Variants in MECOM observed in about 807,000 individuals in gnomAD.
MECOM encodes MDS1 and EVI1 complex locus, also known as histone-lysine N-methyltransferase MECOM.
A neutral mutation model predicts 116.3 loss-of-function variants in MECOM; 13 were observed. That is an observed-to-expected ratio of 0.11 (90% CI 0.07 to 0.18). The LOEUF is 0.18. MECOM is among the 10% of genes least tolerant of loss of function. The probability of loss-of-function intolerance (pLI) is 1.00; values close to 1 mark genes in which losing one functional copy is unlikely to be tolerated. For synonymous variants in MECOM, 528 were observed against 535.2 expected (o/e 0.99, Z 0.19); for missense variants, 1,299 against 1,509.0 (o/e 0.86, Z 2.31).
rs561774113 is a variant in MECOM at position 169,180,774 on chromosome 3, A to G, written c.376-36942T>C. Among the ~76,000 whole-genome samples the G allele has an allele frequency of 1.4e-3, 147 of 103,384 alleles. 1 individual carries two copies. Among genetic ancestry groups the G allele is most frequent in the African/African-American group, 5.0e-3 (138 of 27,828 alleles). The allele number at this position is 103,384 out of a possible 152,430, so 67.8% of individuals were successfully genotyped here. On this transcript the variant is annotated intron_variant, in intron 2 of 16. Coordinates refer to ENST00000651503, the MANE Select transcript of MECOM (RefSeq NM_004991.4). ...ATCCTTTCCAGTATTCTCTTTATGT[A>G]TGTGTGTGTGTGTGGAGATGATATA...
In MECOM at chr3:169,615,730, T is replaced by C. The variant is rs146688069; in HGVS notation, c.37+47606A>G. Among the ~76,000 whole-genome samples the C allele has an allele frequency of 2.3e-3, 357 of 152,380 alleles. 1 individual carries two copies. Among genetic ancestry groups the C allele is most frequent in the African/African-American group, 8.0e-3 (332 of 41,586 alleles). ...TTATTGGTTTTCATTTTGTTTTGTT[T>C]TGATTTCAATTGCAACTCAAACAAT... On this transcript the variant is annotated intron_variant, in intron 1 of 16. Transcript: ENST00000651503.
chr3:169,274,913 A>G (rs957591779), intron 2 of MECOM, among the ~76,000 whole-genome samples: 1 of 152,170 alleles, frequency 6.6e-6, no homozygotes, highest in African/African-American at 2.4e-5. Flanking sequence ...AACTAAAATA[A>G]AAGGCATCAC....
chr3:169,436,510 A>T (rs1044433518), intron 1 of MECOM, among the ~76,000 whole-genome samples: 5 of 152,112 alleles, frequency 3.3e-5, no homozygotes, highest in Admixed American at 2.0e-4. Context: ...TCAGCCTCCC[A>T]AATTGCTGGG....
At chr3:169,469,618 C>T (rs1346470349) in intron 1 of MECOM, among the ~76,000 whole-genome samples, 1 of 151,598 alleles carries the variant, frequency 6.6e-6, no homozygotes, top group Non-Finnish European at 1.5e-5. Flanking sequence ...TTTCTCCTAC[C>T]CAGAAGTCCT....
intron 2 of MECOM, among the ~76,000 whole-genome samples, chr3:169,251,923 A>G (rs537261573): frequency 6.6e-6 from 1 of 152,320 alleles, no homozygotes; most frequent in African/African-American, 2.4e-5. Flanking sequence ...CATATATTAC[A>G]ATGTAATATA....
intron 1 of MECOM, among the ~76,000 whole-genome samples, chr3:169,520,085 A>G (rs971807517): frequency 1.3e-5 from 2 of 152,258 alleles, no homozygotes; most frequent in Non-Finnish European, 2.9e-5. Context: ...GGAGCTGCCC[A>G]GAACCACAGT....
At chr3:169,410,558 A>G (rs1439245667) in intron 1 of MECOM, among the ~76,000 whole-genome samples, 1 of 151,970 alleles carries the variant, frequency 6.6e-6, no homozygotes, top group East Asian at 1.9e-4. Context: ...TTTTTGTGAA[A>G]TCCAGCATGA....
chr3:169,515,405 A>T (rs1756504460), intron 1 of MECOM, among the ~76,000 whole-genome samples: 1 of 152,210 alleles, frequency 6.6e-6, no homozygotes, highest in Non-Finnish European at 1.5e-5. Flanking sequence ...AATATTCAGT[A>T]CAGACATATA....
chr3:169,308,575 A>G (rs1026957849), intron 2 of MECOM, among the ~76,000 whole-genome samples: 1 of 152,244 alleles, frequency 6.6e-6, no homozygotes, highest in Non-Finnish European at 1.5e-5. Context: ...ATATATTTAT[A>G]AATTTAAAGC....
At chr3:169,242,643 T>C (rs1462476708) in intron 2 of MECOM, among the ~76,000 whole-genome samples, 1 of 151,964 alleles carries the variant, frequency 6.6e-6, no homozygotes, top group Non-Finnish European at 1.5e-5. Context: ...ATCATACTGA[T>C]TGACGAAACC....
chr3:169,404,287 GCA>G (rs376208224), intron 1 of MECOM, among the ~76,000 whole-genome samples: 2 of 150,940 alleles, frequency 1.3e-5, no homozygotes, highest in African/African-American at 2.4e-5. Flanking sequence ...TGCAAAATAT[GCA>G]CACACACACA....
chr3:169,147,765 T>A lies in MECOM; in HGVS notation c.376-3933A>T, dbSNP rs561612042. 2,233 of 944,496 alleles carry A rather than the reference T, an allele frequency of 2.4e-3. 3 individuals are homozygous for A. Among genetic ancestry groups the A allele is most frequent in the Non-Finnish European group, 2.7e-3 (2,124 of 798,976 alleles). The allele number at this position is 944,496 out of a possible 1,614,324, so 58.5% of individuals were successfully genotyped here. On this transcript the variant is annotated intron_variant, in intron 2 of 16. Coordinates refer to ENST00000651503, the MANE Select transcript of MECOM (RefSeq NM_004991.4). ...GAGTGTGTGTGTGCATGTGTGTGTG[T>A]GAGAGAGAGAGAGATGGGGGATGGG...
At chr3:169,349,994 ATATT>A (rs1187566682) in intron 2 of MECOM, among the ~76,000 whole-genome samples, 2 of 151,996 alleles carry the variant, frequency 1.3e-5, no homozygotes, top group African/African-American at 4.8e-5. Flanking sequence ...TATAATATCA[ATATT>A]TATTTATAAA....
intron 1 of MECOM, among the ~76,000 whole-genome samples, chr3:169,435,352 T>C (rs960301677): frequency 6.6e-6 from 1 of 152,206 alleles, no homozygotes; most frequent in Non-Finnish European, 1.5e-5. Flanking sequence ...TACTATCGGC[T>C]CATACATCAC....
intron 1 of MECOM, among the ~76,000 whole-genome samples, chr3:169,494,762 T>C (rs748437243): frequency 1.6e-4 from 24 of 152,212 alleles, no homozygotes; most frequent in Non-Finnish European, 2.9e-4. Flanking sequence ...GTGATTCTGA[T>C]TCATCTTTCT....
At chr3:169,143,662 C>T in intron 3 of MECOM, 36 bp downstream of exon 3, 1 of 1,523,342 alleles carries the variant, frequency 6.6e-7, no homozygotes, top group Non-Finnish European at 8.9e-7. Flanking sequence ...TACTTTTGTG[C>T]TCTCAAGGAA....
At chr3:169,414,310 AG>A (rs200303159) in intron 1 of MECOM, among the ~76,000 whole-genome samples, 6,076 of 152,322 alleles carry the variant, frequency 0.04, 218 homozygotes, top group East Asian at 0.12. Context: ...GACTGTTAGA[AG>A]AAAACTAACA....
At position 169,222,658 on chromosome 3, in the gene MECOM, A is replaced by G. The variant is rs531228253; in HGVS notation, c.376-78826T>C. Among the ~76,000 whole-genome samples the G allele has an allele frequency of 1.3e-4, 20 of 152,342 alleles. No homozygotes were observed. The South Asian group carries it at 1.5e-3, about 11-fold the overall frequency. On this transcript the variant is annotated intron_variant, in intron 2 of 16. Coordinates refer to ENST00000651503, the MANE Select transcript of MECOM (RefSeq NM_004991.4). ...CCCTCCCCAGATGTCTGAAACGCAG[A>G]TATAAATTTTCATTATCCAGCAGCA...
chr3:169,421,186 C>G (rs1167933563), intron 1 of MECOM, among the ~76,000 whole-genome samples: 1 of 152,194 alleles, frequency 6.6e-6, no homozygotes, highest in Non-Finnish European at 1.5e-5. Flanking sequence ...GTTTCTAGTT[C>G]TTTGAAGGCT....
Sources: allele counts gnomAD v4.1 joint callset (sites outside exome capture counted in the v4.1 genomes callset), GRCh38; gene constraint gnomAD v4.1.1; transcripts MANE v1.5; gene names NCBI Gene and HGNC (gene_info 2026-07-23, HGNC 2026-07-21).